Variants in UBE2R2 observed in about 807,000 individuals in gnomAD.
UBE2R2 encodes the protein ubiquitin-conjugating enzyme E2 R2.
In UBE2R2, 1 loss-of-function variant was observed where a neutral mutation model predicts 27.8. The observed-to-expected ratio is 0.04, with a 90% confidence interval of 0.01 to 0.17. The LOEUF is 0.17. Among genes scored for constraint, UBE2R2 ranks in the 10% least tolerant of loss-of-function variants. The pLI, the probability that UBE2R2 is intolerant of heterozygous loss-of-function variation, is 1.00. For synonymous variants in UBE2R2, 106 were observed against 113.3 expected (o/e 0.94, Z 0.41); for missense variants, 100 against 291.0 (o/e 0.34, Z 4.78).
intron 1 of UBE2R2, among the ~76,000 whole-genome samples, chr9:33,853,015 T>C (rs1390589848): frequency 1.4e-5 from 2 of 144,876 alleles, no homozygotes; most frequent in Admixed American, 1.4e-4. Flanking sequence ...CTCAAATAAA[T>C]AAATGAAAAT....
intron 1 of UBE2R2, among the ~76,000 whole-genome samples, chr9:33,859,797 TGTGA>T (rs1554673619): frequency 4.3e-3 from 338 of 78,368 alleles, no homozygotes; most frequent in Middle Eastern, 0.015. Context: ...TGTGTGTGTG[TGTGA>T]GAGAGAGAGA....
At chr9:33,877,624 T>A (rs530822272) in intron 1 of UBE2R2, among the ~76,000 whole-genome samples, 2 of 152,312 alleles carry the variant, frequency 1.3e-5, no homozygotes, top group Admixed American at 1.3e-4. Flanking sequence ...TAATTAGGTT[T>A]GGTAAGGCTC....
In UBE2R2 at chr9:33,817,714, G is replaced by A; in HGVS notation, c.-44G>A. The A allele has an allele frequency of 1.4e-6, 2 of 1,454,978 alleles. No individual in the cohort carries two copies. Among genetic ancestry groups the A allele is most frequent in the Non-Finnish European group, 1.8e-6 (2 of 1,101,076 alleles). The allele number at this position is 1,454,978 out of a possible 1,614,324, so 90.1% of individuals were successfully genotyped here. ...TGGTCCGGCCCGGCCGGTGCGTGAGGACTGGGGCCCGGGCCCGGCGCCGCC... is the reference window on the plus strand; with the variant it reads ...TGGTCCGGCCCGGCCGGTGCGTGAGAACTGGGGCCCGGGCCCGGCGCCGCC... On this transcript the variant is annotated 5_prime_UTR_variant, in exon 1 of 5. Transcript: ENST00000263228.
At chr9:33,916,613 C>G (rs1328777834) in intron 4 of UBE2R2, among the ~76,000 whole-genome samples, 1 of 152,188 alleles carries the variant, frequency 6.6e-6, no homozygotes, top group African/African-American at 2.4e-5. Context: ...TATTCTTATT[C>G]TGGCAGTTAT....
In UBE2R2 at chr9:33,917,356, CA is replaced by C; in HGVS notation, c.*120del. The stretch of plus-strand genomic sequence containing the variant: ...TATTCACAGCGGGTGGGGAAACACA[CA>C]CAGCTCCTGCTGACTCCCCTTATGG... On this transcript the variant is annotated 3_prime_UTR_variant, in exon 5 of 5. Coordinates refer to ENST00000263228, the MANE Select transcript of UBE2R2 (RefSeq NM_017811.4). 1 of 1,477,966 alleles carries C rather than the reference CA, an allele frequency of 6.8e-7. No individual in the cohort carries two copies. Among genetic ancestry groups the C allele is most frequent in the Non-Finnish European group, 9.1e-7 (1 of 1,100,642 alleles). The allele number at this position is 1,477,966 out of a possible 1,614,324, so 91.6% of individuals were successfully genotyped here. A position where few individuals can be genotyped will look rare whatever the true frequency, so the allele number is the denominator to read the frequency against.
At chr9:33,886,850 T>C (rs369600275) in intron 1 of UBE2R2, 31 bp from the exon 2 acceptor site, 2 of 1,533,588 alleles carry the variant, frequency 1.3e-6, no homozygotes, top group African/African-American at 2.8e-5. Context: ...TATAGTCTCA[T>C]TTATTAGCAT....
intron 1 of UBE2R2, among the ~76,000 whole-genome samples, chr9:33,880,048 G>A (rs1269340753): frequency 1.3e-5 from 2 of 151,318 alleles, no homozygotes; most frequent in Admixed American, 6.6e-5. Context: ...ATCATGGCTG[G>A]CAACTTTTTG....
intron 1 of UBE2R2, among the ~76,000 whole-genome samples, chr9:33,886,043 G>A (rs976256368): frequency 2.0e-5 from 3 of 152,212 alleles, no homozygotes; most frequent in Admixed American, 6.5e-5. Flanking sequence ...ATATTTTATG[G>A]TGTAAAAAAA....
At chr9:33,830,545 T>C (rs1012047941) in intron 1 of UBE2R2, among the ~76,000 whole-genome samples, 1 of 148,306 alleles carries the variant, frequency 6.7e-6, no homozygotes, top group Admixed American at 6.7e-5. Flanking sequence ...GGTGGGCAGA[T>C]CACCTGAGGT....
intron 1 of UBE2R2, among the ~76,000 whole-genome samples, chr9:33,843,582 G>A (rs1262439465): frequency 2.0e-5 from 3 of 150,784 alleles, no homozygotes; most frequent in Admixed American, 6.6e-5. Context: ...GGGTTTGAGC[G>A]ATCCTCCTGC....
intron 1 of UBE2R2, among the ~76,000 whole-genome samples, chr9:33,833,165 A>G (rs2130729028): frequency 6.6e-6 from 1 of 152,264 alleles, no homozygotes; most frequent in Admixed American, 6.5e-5. Flanking sequence ...CCTGGGTTCA[A>G]GTGATTCTCC....
In UBE2R2 at chr9:33,853,288, C is replaced by CTTTTT. The variant is rs71506143; in HGVS notation, c.178-33579_178-33575dup. Among the ~76,000 whole-genome samples, 68 of 115,332 alleles carry CTTTTT rather than the reference C, an allele frequency of 5.9e-4. 2 individuals carry two copies. The highest frequency in any genetic ancestry group is 1.1e-3 in the African/African-American group (33 of 29,776). The allele number at this position is 115,332 out of a possible 152,430, so 75.7% of individuals were successfully genotyped here. On this transcript the variant is annotated intron_variant, in intron 1 of 4. Coordinates refer to ENST00000263228, the MANE Select transcript of UBE2R2 (RefSeq NM_017811.4). ...TTACCTGGCTTTACCTTTTCTCTCT[C>CTTTTT]TTTTTTTTTTTTTTTTTTGAGATGG...
intron 1 of UBE2R2, among the ~76,000 whole-genome samples, chr9:33,831,989 C>G (rs930426844): frequency 2.0e-5 from 3 of 151,420 alleles, no homozygotes; most frequent in Non-Finnish European, 2.9e-5. Context: ...AAGCTTGATT[C>G]ATTGAATCAA....
chr9:33,844,210 A>T (rs1407735525), intron 1 of UBE2R2, among the ~76,000 whole-genome samples: 1 of 152,008 alleles, frequency 6.6e-6, no homozygotes, highest in Non-Finnish European at 1.5e-5. Context: ...ACACACATAT[A>T]TATAAGTATT....
At chr9:33,835,961 G>A (rs550451282) in intron 1 of UBE2R2, among the ~76,000 whole-genome samples, 4 of 152,284 alleles carry the variant, frequency 2.6e-5, no homozygotes, top group Admixed American at 2.0e-4. Context: ...TTTAAGCTAA[G>A]AAGCTAAGTG....
chr9:33,860,162 TGTAAAAGGAA>T (rs1432497412), intron 1 of UBE2R2, among the ~76,000 whole-genome samples: 7 of 151,954 alleles, frequency 4.6e-5, no homozygotes, highest in Non-Finnish European at 7.4e-5. Flanking sequence ...CAAGTAATTA[TGTAAAAGGAA>T]GTTCTTTTGA....
At chr9:33,883,968 A>C (rs535287698) in intron 1 of UBE2R2, among the ~76,000 whole-genome samples, 3 of 152,160 alleles carry the variant, frequency 2.0e-5, no homozygotes, top group East Asian at 3.9e-4. Context: ...TTCGAGACCC[A>C]GCCTGGGCAA....
In UBE2R2 at chr9:33,916,969, C is replaced by T. The variant is rs765614398; in HGVS notation, c.498-49C>T. 3.1e-6 allele frequency: 5 copies of T among 1,600,584 alleles called. No homozygotes were observed. In the South Asian group the frequency reaches 5.6e-5, roughly 18 times the overall value. ...TATTTAAGGCCAATTATAAATCTGTCTTAAAAAAAGACTTACCGTAAACCA... is the reference window on the plus strand; with the variant it reads ...TATTTAAGGCCAATTATAAATCTGTTTTAAAAAAAGACTTACCGTAAACCA... On this transcript the variant is annotated intron_variant, in intron 4 of 4. Transcript: ENST00000263228.
Position 33,919,792 on chromosome 9 carries a change from CTTA to C in UBE2R2, c.*2561_*2563del, listed in dbSNP as rs1822761480. ...CCGGAACCATGTACGTACAGTTTTG[CTTA>C]TTATTTGATGTGACATGAACTCAAA... On this transcript the variant is annotated 3_prime_UTR_variant, in exon 5 of 5. Transcript: ENST00000263228. The C allele has an allele frequency of 6.6e-6, 1 of 151,986 alleles. No homozygotes were observed. Among genetic ancestry groups the C allele is most frequent in the Non-Finnish European group, 1.5e-5 (1 of 68,006 alleles). The allele number at this position is 151,986 out of a possible 1,614,324, so 9.4% of individuals were successfully genotyped here.
Sources: allele counts gnomAD v4.1 joint callset (sites outside exome capture counted in the v4.1 genomes callset), GRCh38; gene constraint gnomAD v4.1.1; transcripts MANE v1.5; gene names NCBI Gene and HGNC (gene_info 2026-07-23, HGNC 2026-07-21).